PM20D2: variants seen among roughly 807,000 people sequenced by gnomAD.
PM20D2 encodes the protein xaa-Arg dipeptidase.
A neutral mutation model predicts 42.9 loss-of-function variants in PM20D2; 33 were observed. The ratio of observed to expected loss-of-function variants is 0.77; its 90% confidence interval spans 0.58 to 1.03. The LOEUF is 1.03. Ranked by LOEUF, PM20D2 falls within the 50% of genes least tolerant of loss-of-function variation. The pLI is 0.00. For synonymous variants in PM20D2, 250 were observed against 228.2 expected, an observed-to-expected ratio of 1.10 and a Z score of -0.86; for missense variants, 548 against 557.0, an observed-to-expected ratio of 0.98 and a Z score of 0.16.
chr6:89,138,672 C>T, the PM20D2 span, among the ~76,000 whole-genome samples: 1 of 152,098 alleles, frequency 6.6e-6, no homozygotes, highest in African/African-American at 2.4e-5. Context: ...CGAGACTATC[C>T]TGGCCAACAT....
At chr6:89,102,593 T>G in the PM20D2 span, among the ~76,000 whole-genome samples, 3 of 152,004 alleles carry the variant, frequency 2.0e-5, no homozygotes, top group Non-Finnish European at 4.4e-5. Flanking sequence ...AATCCTAACA[T>G]AGTAAAAGAA....
At chr6:89,152,977 C>G (rs768207017) in intron 2 of PM20D2, 66 bp from the exon 3 acceptor site, 16 of 1,349,208 alleles carry the variant, frequency 1.2e-5, no homozygotes, top group Non-Finnish European at 1.6e-5. Context: ...GTAATTCTGA[C>G]TACCTGGATT....
chr6:89,095,884 G>C, the PM20D2 span: 2 of 152,156 alleles, frequency 1.3e-5, no homozygotes, highest in African/African-American at 4.8e-5. Flanking sequence ...ATAAATGGTA[G>C]GTAGTACCCC....
chr6:89,133,457 C>G, the PM20D2 span, among the ~76,000 whole-genome samples: 2 of 150,894 alleles, frequency 1.3e-5, no homozygotes, highest in Non-Finnish European at 2.9e-5. Flanking sequence ...AAGCTCTCAG[C>G]AGGGTTGGGC....
At chr6:89,142,371 T>A (rs1328397463), upstream of PM20D2, among the ~76,000 whole-genome samples, 1 of 152,164 alleles carries the variant, frequency 6.6e-6, no homozygotes, top group Admixed American at 6.5e-5. Context: ...CTTAGGAGAA[T>A]GTTGTAAATG....
intron 1 of PM20D2, among the ~76,000 whole-genome samples, chr6:89,146,872 G>A (rs966835353): frequency 6.6e-6 from 1 of 152,250 alleles, no homozygotes; most frequent in Admixed American, 6.5e-5. Flanking sequence ...GCTCTGCTGA[G>A]TTGTTCCCTT....
rs536504865 is a variant in PM20D2, at chr6:89,146,300, C to G, written c.156C>G (p.Ala52=). Residue 52 remains alanine, a synonymous_variant, in exon 1 of 7, where the codon GCC becomes GCG. Coordinates refer to ENST00000275072, the MANE Select transcript of PM20D2 (RefSeq NM_001010853.3). ...SRAIWSQPEL[A]YEEHHAHRVL... ...CGATCTGGAGCCAGCCCGAGCTGGC[C>G]TACGAGGAGCACCATGCCCACCGCG... is the stretch of plus-strand genomic sequence containing the variant. 3.2e-6 allele frequency: 5 copies of G among 1,581,956 alleles called. No homozygotes were observed. The Admixed American group carries it at 6.9e-5, about 22-fold the overall frequency.
rs185805983 is a variant in PM20D2, at chr6:89,147,266, G to A, written c.465+657G>A. On this transcript the variant is annotated intron_variant, in intron 1 of 6. Transcript: ENST00000275072. The stretch of plus-strand genomic sequence containing the variant: ...CAGGGAAATGTCGTTTATGTTTGTC[G>A]TAGGGCAAGTTTAATCCTGTTTTAC... Among the ~76,000 whole-genome samples, 428 of 151,506 alleles carry A rather than the reference G, an allele frequency of 2.8e-3. 3 individuals are homozygous for A. Among genetic ancestry groups the A allele is most frequent in the Middle Eastern group, 0.027 (8 of 294 alleles).
chr6:89,126,422 A>G, the PM20D2 span, among the ~76,000 whole-genome samples: 1 of 151,982 alleles, frequency 6.6e-6, no homozygotes, highest in Non-Finnish European at 1.5e-5. Flanking sequence ...ATGGTGGCTC[A>G]CGCCTGTAAT....
chr6:89,143,983 G>A (rs1212932895), upstream of PM20D2, among the ~76,000 whole-genome samples: 1 of 152,208 alleles, frequency 6.6e-6, no homozygotes, highest in East Asian at 1.9e-4. Flanking sequence ...TAAGATGTTA[G>A]GTGCTGGGGA....
At chr6:89,099,411 T>TACAC in the PM20D2 span, among the ~76,000 whole-genome samples, 1,974 of 82,702 alleles carry the variant, frequency 0.024, 27 homozygotes, top group Non-Finnish European at 0.036. Flanking sequence ...TCCATATATA[T>TACAC]ATACATATAT....
chr6:89,148,205 C>A (rs1391711139), intron 1 of PM20D2, among the ~76,000 whole-genome samples: 1 of 151,916 alleles, frequency 6.6e-6, no homozygotes, highest in Admixed American at 6.6e-5. Flanking sequence ...TATCGAACTC[C>A]GGATCTCGGG....
At chr6:89,125,479 C>CA in the PM20D2 span, among the ~76,000 whole-genome samples, 107,323 of 147,914 alleles carry the variant, frequency 0.73, 38,818 homozygotes, top group South Asian at 0.79. Context: ...GACTCCGTCT[C>CA]AAAAAAAAAA....
At chr6:89,130,819 C>CTTCT in the PM20D2 span, among the ~76,000 whole-genome samples, 10 of 24,044 alleles carry the variant, frequency 4.2e-4, no homozygotes, top group African/African-American at 1.3e-3. Flanking sequence ...GCTTCTTCTT[C>CTTCT]TTTTTTTTTT....
chr6:89,099,147 A>G, the PM20D2 span, among the ~76,000 whole-genome samples: 5 of 152,074 alleles, frequency 3.3e-5, no homozygotes, highest in Non-Finnish European at 7.3e-5. Context: ...ACTAGAATAT[A>G]TGGCCAAAAA....
intron 5 of PM20D2, among the ~76,000 whole-genome samples, chr6:89,159,066 A>AG (rs1771147379): frequency 6.6e-6 from 1 of 152,128 alleles, no homozygotes; most frequent in African/African-American, 2.4e-5. Flanking sequence ...TTAGGGTAAG[A>AG]GGGGGTTGTT....
the PM20D2 span, among the ~76,000 whole-genome samples, chr6:89,139,583 C>G: frequency 6.6e-6 from 1 of 152,150 alleles, no homozygotes; most frequent in Non-Finnish European, 1.5e-5. Context: ...AGCACTTGGA[C>G]CTGTAGTTCC....
Position 89,162,511 on chromosome 6 carries a change from T to TTA in PM20D2, c.*248_*249insTA, listed in dbSNP as rs140145590. ...TGTGATGCCATTCTTTCTTTTTTTT[T>TTA]ACCCCGCAACCACTCACCTTCACAG... On this transcript the variant is annotated 3_prime_UTR_variant, in exon 7 of 7. Transcript: ENST00000275072. 3.5e-3 allele frequency: 1,110 copies of TTA among 316,422 alleles called. 13 individuals carry two copies. The highest frequency in any genetic ancestry group is 0.023 in the African/African-American group (1,047 of 46,382). 19.6% of individuals were successfully genotyped at this position (316,422 alleles called of 1,614,324 possible).
At chr6:89,135,929 T>C in the PM20D2 span, among the ~76,000 whole-genome samples, 2 of 151,164 alleles carry the variant, frequency 1.3e-5, no homozygotes, top group South Asian at 2.1e-4. Flanking sequence ...CATATACTTA[T>C]GGTGTTGCCC....
Sources: allele counts gnomAD v4.1 joint callset (sites outside exome capture counted in the v4.1 genomes callset), GRCh38; gene constraint gnomAD v4.1.1; transcripts MANE v1.5; gene names NCBI Gene and HGNC (gene_info 2026-07-23, HGNC 2026-07-21).